The following SREK1 variants were observed in gnomAD, a reference collection of about 807,000 sequenced individuals.
The protein encoded by SREK1 is splicing regulatory glutamic acid and lysine rich protein 1, also known as splicing regulatory glutamine/lysine-rich protein 1.
A neutral mutation model predicts 66.5 loss-of-function variants in SREK1; 13 were observed. The observed-to-expected ratio is 0.20, with a 90% CI of 0.13 to 0.31. The LOEUF is 0.31. Among genes scored for constraint, SREK1 ranks in the 10% least tolerant of loss-of-function variants. The pLI, the probability that SREK1 is intolerant of heterozygous loss-of-function variation, is 1.00. For missense variants in SREK1, 607 were observed against 769.6 expected (o/e 0.79, Z 2.50); for synonymous variants, 265 against 263.5 (o/e 1.01, Z -0.05).
At chr5:66,147,451 C>G (rs1333676605) in intron 1 of SREK1, among the ~76,000 whole-genome samples, 1 of 152,118 alleles carries the variant, frequency 6.6e-6, no homozygotes, top group African/African-American at 2.4e-5. Context: ...AGTAAACATA[C>G]CTATATAACC....
chr5:66,174,011 A>T (rs1745858521), intron 9 of SREK1, among the ~76,000 whole-genome samples: 2 of 152,128 alleles, frequency 1.3e-5, no homozygotes, highest in African/African-American at 4.8e-5. Context: ...AGAAATGAAA[A>T]ACTTAAATTA....
intron 1 of SREK1, among the ~76,000 whole-genome samples, chr5:66,149,409 T>C (rs1743569073): frequency 6.6e-6 from 1 of 152,158 alleles, no homozygotes; most frequent in African/African-American, 2.4e-5. Flanking sequence ...TAGCCGTACC[T>C]AATATCCATA....
intron 9 of SREK1, among the ~76,000 whole-genome samples, chr5:66,172,163 C>T (rs1745694786): frequency 6.6e-6 from 1 of 152,164 alleles, no homozygotes; most frequent in African/African-American, 2.4e-5. Flanking sequence ...CTGGTTTGAG[C>T]CTTGTAACCA....
chr5:66,158,360 C>T (rs77546462), intron 2 of SREK1: 1 of 152,192 alleles, frequency 6.6e-6, no homozygotes, highest in East Asian at 1.9e-4. Context: ...TTAACCTCCC[C>T]CTTCAGATAA....
At chr5:66,148,820 G>GT (rs1743498071) in intron 1 of SREK1, among the ~76,000 whole-genome samples, 1 of 132,596 alleles carries the variant, frequency 7.5e-6, no homozygotes, top group Admixed American at 7.7e-5. Context: ...CCCTTTTTAT[G>GT]TGTTTTTTTT....
intron 1 of SREK1, among the ~76,000 whole-genome samples, chr5:66,148,531 A>C (rs2111924957): frequency 6.6e-6 from 1 of 152,354 alleles, no homozygotes; most frequent in South Asian, 2.1e-4. Flanking sequence ...GTATTTTAAA[A>C]AACCAAAACT....
At chr5:66,164,651 T>C in intron 6 of SREK1, 132 bp from the exon 7 acceptor site, 1 of 1,577,662 alleles carries the variant, frequency 6.3e-7, no homozygotes, top group Non-Finnish European at 8.6e-7. Context: ...TTCTTGGATG[T>C]TTCTGAAGGA....
At chr5:66,145,093 G>A in intron 1 of SREK1, 3 of 985,726 alleles carry the variant, frequency 3.0e-6, no homozygotes, top group Non-Finnish European at 2.4e-6. Context: ...GCGCATCCAT[G>A]TTCCCAAAGA....
intron 7 of SREK1, chr5:66,165,673 T>G (rs1315472498): frequency 6.6e-6 from 1 of 152,242 alleles, no homozygotes; most frequent in Non-Finnish European, 1.5e-5. Context: ...GAGGGGGCTG[T>G]TTTTGAAATG....
chr5:66,144,842 C>T (rs940856018), intron 1 of SREK1: 4 of 1,077,794 alleles, frequency 3.7e-6, no homozygotes, highest in Non-Finnish European at 4.5e-6. Context: ...CTCTTATTTC[C>T]CCCCGAACTT....
rs147119069 is a variant in SREK1, at chr5:66,171,437, T to A, written c.1484+490T>A. On this transcript the variant is annotated intron_variant, in intron 9 of 11. Coordinates refer to ENST00000334121, the MANE Select transcript of SREK1 (RefSeq NM_001077199.3). ...GTTTTATTTTGTCAGTTTTAAGGGT[T>A]AGAGTTTTTCCTTAGGACCGTGATT... is the stretch of plus-strand genomic sequence containing the variant. 6.0e-3 allele frequency among the ~76,000 whole-genome samples: 916 copies of A among 152,294 alleles called. 8 individuals are homozygous for A. The highest frequency in any genetic ancestry group is 0.021 in the African/African-American group (864 of 41,548).
chr5:66,180,662 A>G lies in SREK1; in HGVS notation c.*1794A>G, dbSNP rs1485206889. The G allele has an allele frequency of 1.3e-5, 2 of 152,518 alleles. No homozygotes were observed. The highest frequency in any genetic ancestry group is 2.9e-5 in the Non-Finnish European group (2 of 68,010). 9.4% of individuals were successfully genotyped at this position (152,518 alleles called of 1,614,324 possible). A position where few individuals can be genotyped will look rare whatever the true frequency, so the allele number is the denominator to read the frequency against. On this transcript the variant is annotated 3_prime_UTR_variant, in exon 12 of 12. Transcript: ENST00000334121. ...TTAAAATTTTGGAAGATGCTTTACT[A>G]TGTAAAGTATAGATGGTCATTTTAA...
intron 8 of SREK1, 88 bp downstream of exon 8, chr5:66,170,258 T>TA: frequency 6.9e-7 from 1 of 1,454,380 alleles, no homozygotes; most frequent in Non-Finnish European, 9.2e-7. Flanking sequence ...CTTCATTTGT[T>TA]AAAAATCTGT....
chr5:66,148,071 G>A (rs1743420832), intron 1 of SREK1, among the ~76,000 whole-genome samples: 1 of 151,950 alleles, frequency 6.6e-6, no homozygotes, highest in African/African-American at 2.4e-5. Context: ...AAATTGGGAG[G>A]TGTGTCTTTT....
At chr5:66,145,532 C>G (rs1743107115) in intron 1 of SREK1, among the ~76,000 whole-genome samples, 1 of 151,820 alleles carries the variant, frequency 6.6e-6, no homozygotes, top group South Asian at 2.1e-4. Context: ...CTTTAGTTTT[C>G]TATCTCAGGT....
chr5:66,167,440 A>G (rs1485683468), intron 7 of SREK1: 1 of 152,228 alleles, frequency 6.6e-6, no homozygotes, highest in Non-Finnish European at 1.5e-5. Flanking sequence ...GCATAATGGT[A>G]AGTTGCTGGT....
chr5:66,156,342 T>C, intron 2 of SREK1: 1 of 1,284,324 alleles, frequency 7.8e-7, no homozygotes, highest in South Asian at 2.5e-5. Flanking sequence ...TCTTTGTAAA[T>C]GGTATTTCAT....
intron 2 of SREK1, chr5:66,156,581 T>C: frequency 1.0e-6 from 1 of 985,582 alleles, no homozygotes. Context: ...TTTTCTAGTT[T>C]TTTTCCCCCC....
chr5:66,156,222 T>G (rs1415081886), intron 2 of SREK1: 1 of 1,299,078 alleles, frequency 7.7e-7, no homozygotes, highest in Non-Finnish European at 9.7e-7. Context: ...TTTTATTGTT[T>G]TACTTTAATT....
Sources: gnomAD v4.1 joint callset for allele counts (sites outside exome capture counted in the v4.1 genomes callset) on GRCh38, gnomAD v4.1.1 for gene constraint, MANE v1.5 for transcripts, NCBI Gene and HGNC (gene_info 2026-07-23, HGNC 2026-07-21) for gene names.